ENAH: variants seen among roughly 807,000 people sequenced by gnomAD.
The protein encoded by ENAH is ENAH actin regulator, also known as protein enabled homolog.
In ENAH, 23 loss-of-function variants were observed where a neutral mutation model predicts 78.7. The ratio of observed to expected loss-of-function variants is 0.29; its 90% CI spans 0.21 to 0.41. The LOEUF is 0.41. ENAH is among the 10% of genes least tolerant of loss of function. The probability of loss-of-function intolerance (pLI) is 1.00; values close to 1 mark genes in which losing one functional copy is unlikely to be tolerated. For missense variants in ENAH, 544 were observed against 691.0 expected (o/e 0.79, Z 2.39); for synonymous variants, 226 against 241.0 (o/e 0.94, Z 0.58).
chr1:225,490,771 T>G lies in ENAH; in HGVS notation c.*7004A>C, dbSNP rs1370708716. On this transcript the variant is annotated 3_prime_UTR_variant, in exon 14 of 14. Transcript: ENST00000366843. ...TCCCAATTACTTTCCTCAGATAAAC[T>G]ATAAGCTATTCTTCTCCTGGAAATT... The G allele has an allele frequency of 6.6e-6, 1 of 152,230 alleles. No individual in the cohort carries two copies. Among genetic ancestry groups the G allele is most frequent in the Admixed American group, 6.5e-5 (1 of 15,276 alleles). The allele number at this position is 152,230 out of a possible 1,614,324, so 9.4% of individuals were successfully genotyped here. A position where few individuals can be genotyped will look rare whatever the true frequency, so the allele number is the denominator to read the frequency against.
At chr1:225,542,959 C>T (rs943785390) in intron 3 of ENAH, among the ~76,000 whole-genome samples, 15 of 150,768 alleles carry the variant, frequency 9.9e-5, no homozygotes, top group African/African-American at 3.2e-4. Context: ...TTCGAGGTTA[C>T]AGTGAGTTAT....
intron 1 of ENAH, among the ~76,000 whole-genome samples, chr1:225,622,435 C>G (rs1246745769): frequency 1.3e-5 from 2 of 152,026 alleles, no homozygotes; most frequent in Non-Finnish European, 2.9e-5. Context: ...TTTTTTAAAG[C>G]TGTTAAAATG....
chr1:225,514,902 TGA>T lies in ENAH; in HGVS notation c.914-4_914-3del, dbSNP rs763184881. 6 of 1,609,808 alleles carry T rather than the reference TGA, an allele frequency of 3.7e-6. No individual in the cohort carries two copies. The South Asian group carries it at 5.5e-5, about 15-fold the overall frequency. Reference sequence around the variant, plus strand: ...GTGCAAGTGGTCCCAAGACAATGCCTGAGAGAGAGAAATGTTAAGTAAGACCA... The same window carrying T: ...GTGCAAGTGGTCCCAAGACAATGCCTGAGAGAGAAATGTTAAGTAAGACCA... On this transcript the variant is annotated splice_region_variant and splice_polypyrimidine_tract_variant and intron_variant, in intron 6 of 13. Coordinates refer to ENST00000366843, the MANE Select transcript of ENAH (RefSeq NM_018212.6).
intron 1 of ENAH, among the ~76,000 whole-genome samples, chr1:225,611,301 AATTT>A (rs2096987415): frequency 1.3e-5 from 2 of 152,124 alleles, no homozygotes; most frequent in South Asian, 2.1e-4. Flanking sequence ...CAAAAAAAAA[AATTT>A]ATTTATTTAT....
intron 1 of ENAH, among the ~76,000 whole-genome samples, chr1:225,614,823 T>C (rs1484114237): frequency 6.6e-6 from 1 of 152,200 alleles, no homozygotes; most frequent in Non-Finnish European, 1.5e-5. Flanking sequence ...CTTATTATAT[T>C]ACAATACCAC....
chr1:225,631,864 TA>T (rs1382404334), intron 1 of ENAH, among the ~76,000 whole-genome samples: 17 of 152,272 alleles, frequency 1.1e-4, no homozygotes, highest in Non-Finnish European at 7.4e-5. Flanking sequence ...TTCCTAATTT[TA>T]AAGACATCAT....
chr1:225,517,966 T>C, intron 5 of ENAH: 1 of 1,544,316 alleles, frequency 6.5e-7, no homozygotes, highest in Non-Finnish European at 8.7e-7. Context: ...TGGAGCGTTA[T>C]ACAGGGAGCT....
intron 4 of ENAH, chr1:225,524,578 GA>G: frequency 1.0e-6 from 1 of 984,790 alleles, no homozygotes; most frequent in South Asian, 4.7e-5. Flanking sequence ...CAAAGCCGCT[GA>G]GGCAAGAGTT....
chr1:225,618,448 C>G (rs1461017703), intron 1 of ENAH, among the ~76,000 whole-genome samples: 1 of 152,136 alleles, frequency 6.6e-6, no homozygotes, highest in Non-Finnish European at 1.5e-5. Context: ...CAATTTGGAA[C>G]CTTTTTCTCC....
intron 3 of ENAH, among the ~76,000 whole-genome samples, chr1:225,548,043 T>C (rs558250864): frequency 6.6e-6 from 1 of 152,226 alleles, no homozygotes; most frequent in East Asian, 1.9e-4. Flanking sequence ...TGCGCTGGCA[T>C]ACAGATGCAC....
rs200306466 is a variant in ENAH at position 225,590,446 on chromosome 1, AAAAAAAGAAAAAAG to A, written c.6-23046_6-23033del. On this transcript the variant is annotated intron_variant, in intron 1 of 13. Coordinates refer to ENST00000366843, the MANE Select transcript of ENAH (RefSeq NM_018212.6). ...ACCACTGCACTCTAGCCTGTCTCAA[AAAAAAAGAAAAAAG>A]AAAAAAGAAAAAAGGCAAATAGGTA... Among the ~76,000 whole-genome samples the A allele has an allele frequency of 1.1e-4, 16 of 152,158 alleles. No individual in the cohort carries two copies. In the South Asian group the frequency reaches 2.9e-3, roughly 28 times the overall value.
rs1438300765 is a variant in ENAH, at chr1:225,494,963, AAC to A, written c.*2810_*2811del. 1 of 152,666 alleles carries A rather than the reference AAC, an allele frequency of 6.6e-6. No individual in the cohort carries two copies. The highest frequency in any genetic ancestry group is 1.5e-5 in the Non-Finnish European group (1 of 68,040). 9.5% of individuals were successfully genotyped at this position (152,666 alleles called of 1,614,324 possible). On this transcript the variant is annotated 3_prime_UTR_variant, in exon 14 of 14. Transcript: ENST00000366843. ...AGTACACCTAAAAGCATGAGAATTC[AAC>A]ATTCATTAGTGTTTCATCTTCAGTT... is the stretch of plus-strand genomic sequence containing the variant.
chr1:225,626,918 A>G (rs894451219), intron 1 of ENAH, among the ~76,000 whole-genome samples: 2 of 152,236 alleles, frequency 1.3e-5, no homozygotes, highest in Non-Finnish European at 2.9e-5. Context: ...GTCAGCTGAC[A>G]TATGAGACAC....
intron 1 of ENAH, among the ~76,000 whole-genome samples, chr1:225,598,966 T>TG (rs2096916445): frequency 6.6e-6 from 1 of 152,128 alleles, no homozygotes; most frequent in South Asian, 2.1e-4. Flanking sequence ...GTCTTTAAAA[T>TG]GGAGAGATCT....
chr1:225,628,533 C>G (rs1433224960), intron 1 of ENAH, among the ~76,000 whole-genome samples: 1 of 152,052 alleles, frequency 6.6e-6, no homozygotes, highest in East Asian at 1.9e-4. Context: ...CAAAACATAT[C>G]AAATGAACAA....
chr1:225,488,182 A>T lies in ENAH; in HGVS notation c.*9593T>A, dbSNP rs922653430. 6.6e-5 allele frequency: 10 copies of T among 151,600 alleles called. No individual in the cohort carries two copies. The highest frequency in any genetic ancestry group is 1.9e-4 in the East Asian group (1 of 5,194). The allele number at this position is 151,600 out of a possible 1,614,324, so 9.4% of individuals were successfully genotyped here. A position where few individuals can be genotyped will look rare whatever the true frequency, so the allele number is the denominator to read the frequency against. ...GTTTTTATTTATTTATTTATTTATT[A>T]TTTATTTATTTATTTTTTAAGGAGA... On this transcript the variant is annotated 3_prime_UTR_variant, in exon 14 of 14. Coordinates refer to ENST00000366843, the MANE Select transcript of ENAH (RefSeq NM_018212.6).
At chr1:225,632,842 A>T (rs1659342183) in intron 1 of ENAH, among the ~76,000 whole-genome samples, 1 of 152,228 alleles carries the variant, frequency 6.6e-6, no homozygotes, top group Non-Finnish European at 1.5e-5. Flanking sequence ...TTTTGAATAA[A>T]ACACTTAGGG....
intron 1 of ENAH, among the ~76,000 whole-genome samples, chr1:225,637,987 G>A (rs1185500561): frequency 6.6e-6 from 1 of 152,082 alleles, no homozygotes; most frequent in Non-Finnish European, 1.5e-5. Flanking sequence ...TTTATTTTTT[G>A]TTTTAATCTC....
intron 1 of ENAH, among the ~76,000 whole-genome samples, chr1:225,600,632 AGGATT>A (rs2096925911): frequency 6.6e-6 from 1 of 151,834 alleles, no homozygotes; most frequent in African/African-American, 2.4e-5. Flanking sequence ...CTGAGGTGGG[AGGATT>A]GCTTGAGCCC....
Sources: gnomAD v4.1 joint callset for allele counts (sites outside exome capture counted in the v4.1 genomes callset) on GRCh38, gnomAD v4.1.1 for gene constraint, MANE v1.5 for transcripts, NCBI Gene and HGNC (gene_info 2026-07-23, HGNC 2026-07-21) for gene names.